ANXA6: variants seen among roughly 807,000 people sequenced by gnomAD.
The protein encoded by ANXA6 is annexin A6.
In ANXA6, 71 loss-of-function variants were observed where a neutral mutation model predicts 95.4. The ratio of observed to expected loss-of-function variants is 0.74; its 90% CI spans 0.61 to 0.91. The LOEUF (loss-of-function observed/expected upper bound fraction) is 0.91. ANXA6 is among the 40% of genes least tolerant of loss of function. ANXA6 has a pLI of 0.00. For missense variants in ANXA6, 830 were observed against 876.4 expected, an observed-to-expected ratio of 0.95 and a Z score of 0.67; for synonymous variants, 289 against 315.9, an observed-to-expected ratio of 0.91 and a Z score of 0.90.
Position 151,101,166 on chromosome 5 carries a change from T to C in ANXA6, c.*282A>G. ...ACATAGCCCAAACCAGGGCAGAGGC[T>C]GTAGCAAGGGGAGGAAGCTGGGAAA... On this transcript the variant is annotated 3_prime_UTR_variant, in exon 26 of 26. Transcript: ENST00000354546. 1.7e-6 allele frequency: 1 copy of C among 575,294 alleles called. No homozygotes were observed. The highest frequency in any genetic ancestry group is 3.1e-5 in the East Asian group (1 of 31,940). The allele number at this position is 575,294 out of a possible 1,614,324, so 35.6% of individuals were successfully genotyped here.
Position 151,122,939 on chromosome 5 carries a change from G to A in ANXA6, c.1211C>T (p.Thr404Ile), listed in dbSNP as rs769535547. 6.2e-7 allele frequency: 1 copy of A among 1,613,966 alleles called. No homozygotes were observed. The highest frequency in any genetic ancestry group is 8.5e-7 in the Non-Finnish European group (1 of 1,179,880). ...TACCCGGCCAAAGTGAGACTTGAAG[G>A]TCTGCCGGATCTGCTGCCGCTGGAC... ...SNVQRQQIRQTFKSHFGRDLM... is the reference protein window; with the variant it reads ...SNVQRQQIRQIFKSHFGRDLM... Residue 404 changes from threonine to isoleucine, a missense_variant, in exon 16 of 26, where the codon ACC becomes ATC. Coordinates refer to ENST00000354546, the MANE Select transcript of ANXA6 (RefSeq NM_001155.5).
intron 18 of ANXA6, among the ~76,000 whole-genome samples, 175 bp downstream of exon 18, chr5:151,119,125 G>A (rs1448967143): frequency 6.6e-6 from 1 of 152,108 alleles, no homozygotes; most frequent in Non-Finnish European, 1.5e-5. Flanking sequence ...GTCCTACCAG[G>A]ACACCTGTCT....
chr5:151,107,481 CG>C (rs1561564630), intron 23 of ANXA6, among the ~76,000 whole-genome samples: 1 of 152,210 alleles, frequency 6.6e-6, no homozygotes, highest in Non-Finnish European at 1.5e-5. Context: ...AGGCCCATCA[CG>C]TGCTAAACAA....
chr5:151,153,543 T>A (rs930662432), intron 1 of ANXA6, among the ~76,000 whole-genome samples: 2 of 152,198 alleles, frequency 1.3e-5, no homozygotes, highest in Non-Finnish European at 2.9e-5. Context: ...CATTTCTCCA[T>A]TAGATAAGGG....
At chr5:151,137,958 T>C (rs1400562461) in intron 5 of ANXA6, among the ~76,000 whole-genome samples, 1 of 152,230 alleles carries the variant, frequency 6.6e-6, no homozygotes, top group African/African-American at 2.4e-5. Flanking sequence ...AACTATCTTT[T>C]TGGGCCTCAG....
chr5:151,126,389 G>A lies in ANXA6; in HGVS notation c.1056+13C>T, dbSNP rs371153167. On this transcript the variant is annotated intron_variant, in intron 14 of 25. Transcript: ENST00000354546. Reference sequence around the variant, plus strand: ...TGGTCAAGAGGTCAAGCAGGAGGAGGGGAAGGTCTGACCTCTACTCGGGCC... The same window carrying A: ...TGGTCAAGAGGTCAAGCAGGAGGAGAGGAAGGTCTGACCTCTACTCGGGCC... 1 of 1,602,252 alleles carries A rather than the reference G, an allele frequency of 6.2e-7. No homozygotes were observed. The highest frequency in any genetic ancestry group is 1.7e-5 in the Admixed American group (1 of 58,690).
At chr5:151,146,567 G>A (rs1025949976) in intron 2 of ANXA6, among the ~76,000 whole-genome samples, 5 of 152,164 alleles carry the variant, frequency 3.3e-5, no homozygotes, top group Non-Finnish European at 5.9e-5. Context: ...CAACCATTCC[G>A]TAAGGGGAAC....
At chr5:151,133,621 C>A (rs1390931350) in intron 8 of ANXA6, among the ~76,000 whole-genome samples, 1 of 152,214 alleles carries the variant, frequency 6.6e-6, no homozygotes, top group Non-Finnish European at 1.5e-5. Flanking sequence ...GGACTAGCAT[C>A]ACATATCTGG....
chr5:151,101,516 G>C lies in ANXA6; in HGVS notation c.1963-9C>G. The C allele has an allele frequency of 6.4e-7, 1 of 1,557,640 alleles. No homozygotes were observed. The highest frequency in any genetic ancestry group is 8.7e-7 in the Non-Finnish European group (1 of 1,150,502). On this transcript the variant is annotated splice_polypyrimidine_tract_variant and intron_variant, in intron 25 of 25. Coordinates refer to ENST00000354546, the MANE Select transcript of ANXA6 (RefSeq NM_001155.5). The stretch of plus-strand genomic sequence containing the variant: ...TCTCCGGAGGTGTCACCCTGGCAGA[G>C]GCAGAGAGCAGAGTGAGTGAAAACA...
At chr5:151,150,396 T>A (rs114231603) in intron 1 of ANXA6, among the ~76,000 whole-genome samples, 32 of 152,288 alleles carry the variant, frequency 2.1e-4, no homozygotes, top group Non-Finnish European at 3.5e-4. Flanking sequence ...CTAAGTTATG[T>A]CAAAGGCAGC....
chr5:151,151,556 G>A (rs762926705), intron 1 of ANXA6: 9 of 152,250 alleles, frequency 5.9e-5, no homozygotes, highest in South Asian at 4.1e-4. Flanking sequence ...CTGGTTCCCA[G>A]TCTGCCCCCA....
chr5:151,136,415 A>G (rs1765664659), intron 6 of ANXA6, 80 bp from the exon 7 acceptor site: 4 of 1,342,224 alleles, frequency 3.0e-6, no homozygotes, highest in Non-Finnish European at 2.1e-6. Context: ...TGCCCCCAAA[A>G]TGATCAGATA....
intron 6 of ANXA6, 32 bp from the exon 7 acceptor site, chr5:151,136,367 C>A (rs1475935459): frequency 6.2e-7 from 1 of 1,605,692 alleles, no homozygotes; most frequent in Non-Finnish European, 8.5e-7. Flanking sequence ...CTAGTCTCAT[C>A]CCCAGAGACC....
intron 23 of ANXA6, 96 bp from the exon 24 acceptor site, chr5:151,105,399 C>A: frequency 9.9e-7 from 1 of 1,007,824 alleles, no homozygotes; most frequent in Admixed American, 1.8e-5. Flanking sequence ...TCGTCTATCC[C>A]TGCATGGGTC....
intron 22 of ANXA6, among the ~76,000 whole-genome samples, chr5:151,108,861 T>C (rs1201770502): frequency 6.6e-6 from 1 of 152,204 alleles, no homozygotes; most frequent in African/African-American, 2.4e-5. Flanking sequence ...CGGGTCCTAG[T>C]CATGGTTCTG....
At chr5:151,124,683 C>A (rs1044869324) in intron 14 of ANXA6, among the ~76,000 whole-genome samples, 4 of 152,216 alleles carry the variant, frequency 2.6e-5, no homozygotes, top group African/African-American at 9.6e-5. Context: ...GGTTCTAGTG[C>A]CCCTTGGCTG....
chr5:151,148,074 C>A, intron 1 of ANXA6, 148 bp from the exon 2 acceptor site: 1 of 710,920 alleles, frequency 1.4e-6, no homozygotes, highest in Non-Finnish European at 2.4e-6. Context: ...AGGCCAATCA[C>A]ATTTTTTTCA....
chr5:151,136,209 A>T, intron 7 of ANXA6, 47 bp downstream of exon 7: 1 of 1,594,324 alleles, frequency 6.3e-7, no homozygotes, highest in East Asian at 2.2e-5. Context: ...TGAGCCAGAC[A>T]AAAGCTATCC....
chr5:151,144,534 AG>A (rs2113952618), intron 2 of ANXA6, among the ~76,000 whole-genome samples: 1 of 152,264 alleles, frequency 6.6e-6, no homozygotes, highest in East Asian at 1.9e-4. Context: ...TGCGGAGAAG[AG>A]GGAAGCATGT....
Sources: allele counts gnomAD v4.1 joint callset (sites outside exome capture counted in the v4.1 genomes callset), GRCh38; gene constraint gnomAD v4.1.1; transcripts MANE v1.5; gene names NCBI Gene and HGNC (gene_info 2026-07-23, HGNC 2026-07-21).